The following SEC24D variants were observed in gnomAD, a reference collection of about 807,000 sequenced individuals.
The protein encoded by SEC24D is SEC24 homolog D, COPII component.
SEC24D carries 69 observed loss-of-function variants against 116.9 expected under a neutral mutation model. That is an observed-to-expected ratio of 0.59 (90% CI 0.49 to 0.72). SEC24D has a LOEUF of 0.72. Ranked by LOEUF, SEC24D falls within the 30% of genes least tolerant of loss-of-function variation. The probability of loss-of-function intolerance (pLI) is 0.00; values close to 1 mark genes in which losing one functional copy is unlikely to be tolerated. For missense variants in SEC24D, 1,131 were observed against 1,264.1 expected, an observed-to-expected ratio of 0.89 and a Z score of 1.60; for synonymous variants, 405 against 442.8, an observed-to-expected ratio of 0.91 and a Z score of 1.07.
chr4:118,751,854 T>G, intron 13 of SEC24D, 142 bp downstream of exon 13: 1 of 650,158 alleles, frequency 1.5e-6, no homozygotes. Context: ...CCTCCTGAGA[T>G]CTGAGTGGAA....
At chr4:118,731,611 A>G (rs1283084208) in intron 20 of SEC24D, 104 bp from the exon 21 acceptor site, 2 of 841,546 alleles carry the variant, frequency 2.4e-6, no homozygotes, top group Non-Finnish European at 3.9e-6. Flanking sequence ...CTCAATGCAT[A>G]GTGAGTACCT....
In SEC24D at chr4:118,732,768, A is replaced by G; in HGVS notation, c.2641T>C (p.Ser881Pro). Reference sequence around the variant, plus strand: ...AGTTGTGGGTAGAAGAAAAGCTGAGAGTCAGCCACACCCATGGTCATGACC... The same window carrying G: ...AGTTGTGGGTAGAAGAAAAGCTGAGGGTCAGCCACACCCATGGTCATGACC... Reference protein sequence around the residue: ...QLVMTMGVADSQLFFYPQLLP... With the variant: ...QLVMTMGVADPQLFFYPQLLP... The change falls in exon 20 of 23, where the codon TCT becomes CCT. Residue 881 changes from serine to proline, a missense_variant. Physicochemically the swap from Ser to Pro is moderately conservative, Grantham distance 74. Coordinates refer to ENST00000280551, the MANE Select transcript of SEC24D (RefSeq NM_014822.4). The G allele has an allele frequency of 6.2e-7, 1 of 1,614,110 alleles. No individual in the cohort carries two copies. The highest frequency in any genetic ancestry group is 8.5e-7 in the Non-Finnish European group (1 of 1,179,980).
Position 118,731,496 on chromosome 4 carries a change from A to G in SEC24D, c.2688T>C (p.Asp896=). Residue 896 remains aspartate (D), a synonymous_variant, in exon 21 of 23, where the codon GAT becomes GAC. Transcript: ENST00000280551. ...CAGCAGGTAACATTGTACTCTTGACATCTAACGTGTGCTGGGCAGGCACAG... is the reference window on the plus strand; with the variant it reads ...CAGCAGGTAACATTGTACTCTTGACGTCTAACGTGTGCTGGGCAGGCACAG... ...YPQLLPIHTL[D]VKSTMLPAAV... 1 of 1,614,068 alleles carries G rather than the reference A, an allele frequency of 6.2e-7. No homozygotes were observed. The highest frequency in any genetic ancestry group is 8.5e-7 in the Non-Finnish European group (1 of 1,179,940).
intron 6 of SEC24D, among the ~76,000 whole-genome samples, chr4:118,808,360 G>T (rs1021528619): frequency 6.6e-5 from 10 of 152,120 alleles, no homozygotes; most frequent in Non-Finnish European, 7.4e-5. Context: ...GTATTAGTGT[G>T]CATAATATAC....
At chr4:118,804,187 T>C (rs990415975) in intron 7 of SEC24D, among the ~76,000 whole-genome samples, 3 of 152,192 alleles carry the variant, frequency 2.0e-5, no homozygotes, top group African/African-American at 7.2e-5. Context: ...AAATTGAGTT[T>C]AGAAGAACTA....
chr4:118,732,433 C>A (rs997522290), intron 20 of SEC24D, among the ~76,000 whole-genome samples: 22 of 152,238 alleles, frequency 1.4e-4, no homozygotes, highest in African/African-American at 4.6e-4. Flanking sequence ...AGCCACGGCA[C>A]CTGGCCAGAG....
intron 2 of SEC24D, among the ~76,000 whole-genome samples, chr4:118,831,539 G>A (rs567701404): frequency 1.3e-5 from 2 of 152,152 alleles, no homozygotes; most frequent in Middle Eastern, 6.8e-3. Flanking sequence ...CGGCCCACAC[G>A]CAGCCCAGGA....
intron 3 of SEC24D, 43 bp downstream of exon 3, chr4:118,824,577 T>C (rs1402766975): frequency 6.4e-7 from 1 of 1,574,654 alleles, no homozygotes; most frequent in Admixed American, 1.9e-5. Flanking sequence ...TGAAATAATT[T>C]TAGGAGAATA....
intron 10 of SEC24D, among the ~76,000 whole-genome samples, chr4:118,759,398 A>T (rs1399456394): frequency 1.3e-5 from 2 of 152,148 alleles, no homozygotes; most frequent in Non-Finnish European, 2.9e-5. Context: ...TTGTGCCTAG[A>T]TAACTGTCAT....
intron 3 of SEC24D, among the ~76,000 whole-genome samples, 167 bp from the exon 4 acceptor site, chr4:118,817,579 G>A (rs918323067): frequency 6.6e-6 from 1 of 151,954 alleles, no homozygotes; most frequent in African/African-American, 2.4e-5. Context: ...AACTCAATAT[G>A]ATCATGTAGC....
intron 11 of SEC24D, among the ~76,000 whole-genome samples, chr4:118,754,929 C>T (rs1360720378): frequency 6.6e-6 from 1 of 152,030 alleles, no homozygotes; most frequent in Non-Finnish European, 1.5e-5. Context: ...TCAACTAAGG[C>T]AAAATACATA....
intron 8 of SEC24D, among the ~76,000 whole-genome samples, chr4:118,768,888 A>G (rs551626400): frequency 4.6e-5 from 7 of 152,356 alleles, no homozygotes; most frequent in African/African-American, 1.7e-4. Flanking sequence ...ATTTGCCAAT[A>G]TGTGTGTGGA....
In SEC24D at chr4:118,768,394, C is replaced by CT. The variant is rs34595739; in HGVS notation, c.1042-84dup. On this transcript the variant is annotated intron_variant, in intron 8 of 22. Transcript: ENST00000280551. Reference sequence around the variant, plus strand: ...TAATTTGGGAAGTCTTTTAATGGCACTTTTTTTTTTTTTTTTTTGAGACAG... The same window carrying CT: ...TAATTTGGGAAGTCTTTTAATGGCACTTTTTTTTTTTTTTTTTTTGAGACAG... 0.32 allele frequency: 183,038 copies of CT among 577,686 alleles called. 12,000 individuals are homozygous for CT. Among genetic ancestry groups the CT allele is most frequent in the Admixed American group, 0.41 (10,597 of 25,732 alleles). The allele number at this position is 577,686 out of a possible 1,614,324, so 35.8% of individuals were successfully genotyped here. A position where few individuals can be genotyped will look rare whatever the true frequency, so the allele number is the denominator to read the frequency against.
At chr4:118,775,071 T>A (rs1040100115) in intron 8 of SEC24D, among the ~76,000 whole-genome samples, 4 of 152,206 alleles carry the variant, frequency 2.6e-5, no homozygotes, top group African/African-American at 9.6e-5. Flanking sequence ...TGTTGTCTAA[T>A]TCCAGGCCAC....
At chr4:118,772,587 G>C (rs1430288989) in intron 8 of SEC24D, among the ~76,000 whole-genome samples, 1 of 152,144 alleles carries the variant, frequency 6.6e-6, no homozygotes, top group Non-Finnish European at 1.5e-5. Context: ...GGGAAACAGA[G>C]GTACGGTTGG....
intron 8 of SEC24D, among the ~76,000 whole-genome samples, chr4:118,779,353 G>A (rs896286734): frequency 6.6e-6 from 1 of 152,184 alleles, no homozygotes; most frequent in African/African-American, 2.4e-5. Flanking sequence ...TGCGTCTATT[G>A]AGATAATCAT....
At chr4:118,808,171 G>A (rs551023333) in intron 6 of SEC24D, among the ~76,000 whole-genome samples, 9 of 152,228 alleles carry the variant, frequency 5.9e-5, no homozygotes, top group African/African-American at 2.2e-4. Flanking sequence ...TTGTTGACCA[G>A]GCTTGTCTCA....
chr4:118,758,830 T>C (rs1356365788), intron 10 of SEC24D, among the ~76,000 whole-genome samples: 2 of 152,290 alleles, frequency 1.3e-5, no homozygotes, highest in East Asian at 3.9e-4. Flanking sequence ...AAACAAATTA[T>C]AGGACTTAAA....
chr4:118,751,639 A>G (rs1434367144), intron 13 of SEC24D, among the ~76,000 whole-genome samples: 2 of 152,190 alleles, frequency 1.3e-5, no homozygotes, highest in Non-Finnish European at 2.9e-5. Flanking sequence ...TTGGCCTGTC[A>G]TGTTTGAAAA....
Sources: allele counts gnomAD v4.1 joint callset (sites outside exome capture counted in the v4.1 genomes callset), GRCh38; gene constraint gnomAD v4.1.1; transcripts MANE v1.5; gene names NCBI Gene and HGNC (gene_info 2026-07-23, HGNC 2026-07-21).